Variants in NPRL3 observed in about 807,000 individuals in gnomAD.
The protein encoded by NPRL3 is GATOR1 complex protein NPRL3.
In NPRL3, 23 loss-of-function variants were observed where a neutral mutation model predicts 57.2. That is an observed-to-expected ratio of 0.40 (90% confidence interval 0.29 to 0.57). The LOEUF is 0.57. Ranked by LOEUF, NPRL3 falls within the 20% of genes least tolerant of loss-of-function variation. The pLI is 0.42. For synonymous variants in NPRL3, 333 were observed against 321.1 expected (o/e 1.04, Z -0.39); for missense variants, 691 against 767.1 (o/e 0.90, Z 1.17).
chr16:105,326 A>G (rs1254351437), intron 7 of NPRL3, among the ~76,000 whole-genome samples: 2 of 152,222 alleles, frequency 1.3e-5, no homozygotes, highest in East Asian at 1.9e-4. Context: ...AGAACTAGAC[A>G]GGACCTGTGA....
rs1567134715 is a variant in NPRL3, at chr16:100,528, G to GTT, written c.630-21_630-20dup. 2 of 1,530,216 alleles carry GTT rather than the reference G, an allele frequency of 1.3e-6. No homozygotes were observed. Among genetic ancestry groups the GTT allele is most frequent in the Admixed American group, 4.3e-5 (2 of 46,476 alleles). The allele number at this position is 1,530,216 out of a possible 1,614,324, so 94.8% of individuals were successfully genotyped here. On this transcript the variant is annotated intron_variant, in intron 7 of 13. Coordinates refer to ENST00000611875, the MANE Select transcript of NPRL3 (RefSeq NM_001077350.3). ...GCACAGGCTGCAGAGAGTGGGCGCTGTTACCCGTTCACATAAACTTTCTAA... is the reference window on the plus strand; with the variant it reads ...GCACAGGCTGCAGAGAGTGGGCGCTGTTTTACCCGTTCACATAAACTTTCTAA...
Position 86,722 on chromosome 16 carries a change from G to A in NPRL3, c.1693C>T (p.Gln565Ter), listed in dbSNP as rs759144182. 1 of 1,561,140 alleles carries A rather than the reference G, an allele frequency of 6.4e-7. No individual in the cohort carries two copies. ...THEDPVIAVF[Q>*]ALLP is the part of the protein sequence containing the mutation. ...GCCTGGGCTCAGGGGAGCAGAGCCTGGAAGACGGCAATGACAGGGTCCTCG... is the reference window on the plus strand; with the variant it reads ...GCCTGGGCTCAGGGGAGCAGAGCCTAGAAGACGGCAATGACAGGGTCCTCG... The change falls in exon 14 of 14, where the codon CAG (glutamine) becomes TAG (stop). Residue 565 changes from glutamine (Q) to a stop codon, truncating the protein, a stop_gained. Transcript: ENST00000611875. LOFTEE classifies it high-confidence loss of function.
At chr16:127,477 C>A (rs905099772) in intron 3 of NPRL3, among the ~76,000 whole-genome samples, 1 of 151,842 alleles carries the variant, frequency 6.6e-6, no homozygotes, top group African/African-American at 2.4e-5. Context: ...TCAAGTGATC[C>A]CCCCGCCTTG....
chr16:92,817 G>GGC (rs1283715896), intron 10 of NPRL3, 92 bp from the exon 11 acceptor site: 1 of 1,526,492 alleles, frequency 6.6e-7, no homozygotes, highest in African/African-American at 1.4e-5. Flanking sequence ...AGCAAAGTGT[G>GGC]GCAGGTGGGT....
intron 2 of NPRL3, among the ~76,000 whole-genome samples, chr16:133,868 A>G (rs1254590741): frequency 3.3e-5 from 5 of 152,200 alleles, no homozygotes; most frequent in Non-Finnish European, 7.3e-5. Flanking sequence ...GTAGATAACC[A>G]GCTTAATTTC....
chr16:88,501 G>A lies in NPRL3; in HGVS notation c.1544+197C>T, dbSNP rs554752675. Among the ~76,000 whole-genome samples, 93 of 152,194 alleles carry A rather than the reference G, an allele frequency of 6.1e-4. 1 individual carries two copies. Among genetic ancestry groups the A allele is most frequent in the African/African-American group, 2.0e-3 (85 of 41,502 alleles). ...AATAGGCATGCCAGGCCCATGGCCC[G>A]GCGTCTTGGTGACAAGCCGAACCCT... is the stretch of plus-strand genomic sequence containing the variant. On this transcript the variant is annotated intron_variant, in intron 13 of 13. Transcript: ENST00000611875.
chr16:115,260 C>A (rs1427525435), intron 5 of NPRL3, among the ~76,000 whole-genome samples: 1 of 151,804 alleles, frequency 6.6e-6, no homozygotes, highest in African/African-American at 2.4e-5. Context: ...CAGGAGTGAG[C>A]CACTGTGCCT....
In NPRL3 at chr16:125,076, CAAAA is replaced by C. The variant is rs61016911; in HGVS notation, c.188+5442_188+5445del. On this transcript the variant is annotated intron_variant, in intron 3 of 13. Coordinates refer to ENST00000611875, the MANE Select transcript of NPRL3 (RefSeq NM_001077350.3). ...TGGGCGACAGAGTGAAACTTTGTCT[CAAAA>C]AAAAAAAAAAAAAAAAACCTTTATT... 20 of 66,930 alleles carry C rather than the reference CAAAA, an allele frequency of 3.0e-4. No homozygotes were observed. The South Asian group carries it at 5.0e-3, about 17-fold the overall frequency. 4.1% of individuals were successfully genotyped at this position (66,930 alleles called of 1,614,324 possible). A position where few individuals can be genotyped will look rare whatever the true frequency, so the allele number is the denominator to read the frequency against.
intron 10 of NPRL3, 78 bp downstream of exon 10, chr16:93,141 G>C: frequency 2.1e-6 from 2 of 949,536 alleles, no homozygotes; most frequent in Non-Finnish European, 3.3e-6. Flanking sequence ...CCAACACAGA[G>C]AACAGCATCT....
intron 9 of NPRL3, among the ~76,000 whole-genome samples, chr16:95,342 T>TACACACACACACAC (rs1296717310): frequency 1.8e-5 from 1 of 55,584 alleles, no homozygotes; most frequent in African/African-American, 4.1e-5. Context: ...TATATATATA[T>TACACACACACACAC]ATATATATAC....
Position 117,352 on chromosome 16 carries a change from C to T in NPRL3, c.342G>A (p.Pro114=), listed in dbSNP as rs368936546. Residue 114 remains proline, a synonymous_variant, in exon 5 of 14, where the codon CCG becomes CCA. Transcript: ENST00000611875. The part of the protein sequence containing the change: ...LGQISKTDPS[P]KREAPTMILF... The stretch of plus-strand genomic sequence containing the variant: ...GAATCATAGTAGGTGCTTCCCTCTT[C>T]GGGGAAGGATCTGTTTTGGAGATCT... 10 of 1,610,500 alleles carry T rather than the reference C, an allele frequency of 6.2e-6. No homozygotes were observed. The highest frequency in any genetic ancestry group is 1.7e-5 in the Admixed American group (1 of 59,786).
chr16:128,824 C>A (rs1313936713), intron 3 of NPRL3, among the ~76,000 whole-genome samples: 1 of 151,658 alleles, frequency 6.6e-6, no homozygotes, highest in Non-Finnish European at 1.5e-5. Context: ...CACTGCCTTG[C>A]TCCAGGAACA....
intron 7 of NPRL3, among the ~76,000 whole-genome samples, chr16:106,629 TAAAAAAA>T (rs763058746): frequency 8.3e-5 from 5 of 60,054 alleles, no homozygotes; most frequent in African/African-American, 1.3e-4. Context: ...TGCCTTAAAT[TAAAAAAA>T]AAAAAAAAAA....
chr16:126,441 T>TA (rs1900521104), intron 3 of NPRL3: 2 of 148,044 alleles, frequency 1.4e-5, no homozygotes, highest in Non-Finnish European at 3.0e-5. Flanking sequence ...ATAATAATAA[T>TA]AATAATTAAT....
chr16:126,503 T>C (rs1386413842), intron 3 of NPRL3, among the ~76,000 whole-genome samples: 4 of 151,818 alleles, frequency 2.6e-5, no homozygotes, highest in East Asian at 1.9e-4. Flanking sequence ...AAGAAATCAG[T>C]TCTTCTCTAA....
intron 5 of NPRL3, among the ~76,000 whole-genome samples, chr16:115,448 A>AG (rs1290647019): frequency 6.6e-6 from 1 of 151,686 alleles, no homozygotes; most frequent in African/African-American, 2.4e-5. Flanking sequence ...ACTCGTCAAT[A>AG]TCACGGCCAG....
chr16:135,800 G>C lies in NPRL3; in HGVS notation c.118+2350C>G, dbSNP rs967602265. The stretch of plus-strand genomic sequence containing the variant: ...CAAGAACTACACAGAAGCAAACAGG[G>C]TGACTATAGCTTTGTCCCAAGACCT... On this transcript the variant is annotated intron_variant, in intron 2 of 13. Coordinates refer to ENST00000611875, the MANE Select transcript of NPRL3 (RefSeq NM_001077350.3). Among the ~76,000 whole-genome samples, 10 of 152,036 alleles carry C rather than the reference G, an allele frequency of 6.6e-5. 1 individual carries two copies. The South Asian group carries it at 8.3e-4, about 13-fold the overall frequency.
At chr16:89,360 G>A (rs1229518301) in intron 12 of NPRL3, 7 of 305,564 alleles carry the variant, frequency 2.3e-5, no homozygotes, top group Non-Finnish European at 3.0e-5. Context: ...AAGCCACACT[G>A]GCCATGACGG....
intron 12 of NPRL3, 128 bp from the exon 13 acceptor site, chr16:89,018 T>G: frequency 1.2e-6 from 1 of 824,812 alleles, no homozygotes; most frequent in Admixed American, 2.4e-5. Flanking sequence ...TACATCTGCC[T>G]GCAAGCATTC....
Sources: gnomAD v4.1 joint callset for allele counts (sites outside exome capture counted in the v4.1 genomes callset) on GRCh38, gnomAD v4.1.1 for gene constraint, MANE v1.5 for transcripts, NCBI Gene and HGNC (gene_info 2026-07-23, HGNC 2026-07-21) for gene names.